Variants in NEBL observed in about 807,000 individuals in gnomAD.
The protein encoded by NEBL is nebulette.
In NEBL, 122 loss-of-function variants were observed where a neutral mutation model predicts 140.2. That is an observed-to-expected ratio of 0.87 (90% confidence interval 0.75 to 1.01). The LOEUF is 1.01. Among genes scored for constraint, NEBL ranks in the 50% least tolerant of loss-of-function variants. The probability of loss-of-function intolerance (pLI) is 0.00; values close to 1 mark genes in which losing one functional copy is unlikely to be tolerated. For missense variants in NEBL, 1,365 were observed against 1,231.3 expected, an observed-to-expected ratio of 1.11 and a Z score of -1.62; for synonymous variants, 436 against 398.9, an observed-to-expected ratio of 1.09 and a Z score of -1.11.
intron 2 of NEBL, among the ~76,000 whole-genome samples, chr10:21,053,847 A>G (rs1314791312): frequency 1.3e-5 from 2 of 152,166 alleles, no homozygotes; most frequent in Non-Finnish European, 2.9e-5. Flanking sequence ...AGCCTGGACA[A>G]TGTGGTGAAG....
At chr10:21,264,398 G>C (rs1205191190) in intron 1 of NEBL, among the ~76,000 whole-genome samples, 1 of 152,164 alleles carries the variant, frequency 6.6e-6, no homozygotes. Flanking sequence ...CTTTGCCTCA[G>C]GAATGAACTG....
chr10:20,935,200 T>A (rs887226511), intron 4 of NEBL, among the ~76,000 whole-genome samples: 2 of 152,150 alleles, frequency 1.3e-5, no homozygotes, highest in African/African-American at 2.4e-5. Flanking sequence ...CGAGGAAGCA[T>A]CCACCATCTC....
At chr10:21,084,782 C>T (rs1002953545) in intron 2 of NEBL, among the ~76,000 whole-genome samples, 2 of 152,130 alleles carry the variant, frequency 1.3e-5, no homozygotes, top group African/African-American at 4.8e-5. Flanking sequence ...TTGCCAGCAA[C>T]ATTCAAGCCA....
rs1343264211 is a variant in NEBL, at chr10:20,812,790, T to G, written c.2497A>C (p.Arg833=). ...TTACCAACAATGATTCCAGGTCTCC[T>G]GTCCATCTCCACGATGTGAGGGTGG... is the stretch of plus-strand genomic sequence containing the variant. ...GVHPHIVEMD[R]RPGIIVDLKV... The change falls in exon 24 of 28, where the codon AGG becomes CGG. Residue 833 remains arginine, a synonymous_variant. Transcript: ENST00000377122. 1.1e-5 allele frequency: 17 copies of G among 1,613,840 alleles called. No individual in the cohort carries two copies. Among genetic ancestry groups the G allele is most frequent in the Non-Finnish European group, 1.4e-5 (17 of 1,179,920 alleles).
At chr10:21,076,189 TC>T (rs1391310797) in intron 2 of NEBL, among the ~76,000 whole-genome samples, 5 of 152,152 alleles carry the variant, frequency 3.3e-5, no homozygotes, top group Admixed American at 1.3e-4. Context: ...ACACCTGTAA[TC>T]CCAGCACTTT....
intron 4 of NEBL, among the ~76,000 whole-genome samples, chr10:20,936,103 C>T (rs143038646): frequency 2.6e-4 from 40 of 152,218 alleles, no homozygotes; most frequent in African/African-American, 8.4e-4. Flanking sequence ...ATTTCCATGC[C>T]AAAATCTTTC....
chr10:20,944,107 G>A (rs984720615), intron 4 of NEBL, among the ~76,000 whole-genome samples: 10 of 152,294 alleles, frequency 6.6e-5, no homozygotes, highest in African/African-American at 1.9e-4. Context: ...TTTAAATATA[G>A]TTAAATATAG....
At chr10:21,177,823 C>A (rs1252811000), upstream of NEBL, among the ~76,000 whole-genome samples, 1 of 152,168 alleles carries the variant, frequency 6.6e-6, no homozygotes, top group Non-Finnish European at 1.5e-5. Flanking sequence ...CCACCGTGCC[C>A]AGCCTACAGT....
Position 20,965,591 on chromosome 10 carries a change from G to A in NEBL, c.250-3812C>T, listed in dbSNP as rs775712600. Among the ~76,000 whole-genome samples, 6 of 152,322 alleles carry A rather than the reference G, an allele frequency of 3.9e-5. No homozygotes were observed. In the East Asian group the frequency reaches 5.8e-4, roughly 15 times the overall value. On this transcript the variant is annotated intron_variant, in intron 3 of 6. Transcript: ENST00000417816. ...AGAGTGGTCACACGGGGCTTTGCAC[G>A]CCCTGAGGATGTTGGCTTTTCTTCC...
At chr10:20,793,557 CT>C (rs781461906) in intron 26 of NEBL, among the ~76,000 whole-genome samples, 4,296 of 140,648 alleles carry the variant, frequency 0.031, 137 homozygotes, top group African/African-American at 0.09. Context: ...TCTTTCTTTT[CT>C]TTTTTTTTTT....
intron 14 of NEBL, among the ~76,000 whole-genome samples, chr10:20,832,661 T>G (rs902439904): frequency 5.9e-5 from 9 of 152,286 alleles, no homozygotes; most frequent in Non-Finnish European, 1.2e-4. Context: ...AAACAATTAT[T>G]TCTTATTATG....
chr10:21,035,938 G>A lies in NEBL; in HGVS notation c.165-15737C>T, dbSNP rs192898140. On this transcript the variant is annotated intron_variant, in intron 2 of 6. Transcript: ENST00000417816. ...AGCACTTTGGGAGGCTGAGGTGAGC[G>A]GATCACTTGAGGTCAAAAGCTCGAG... 1.2e-4 allele frequency among the ~76,000 whole-genome samples: 18 copies of A among 152,172 alleles called. 1 individual carries two copies. Among genetic ancestry groups the A allele is most frequent in the African/African-American group, 3.6e-4 (15 of 41,500 alleles).
At chr10:21,225,701 C>T (rs1373368667) in intron 3 of NEBL, among the ~76,000 whole-genome samples, 1 of 152,096 alleles carries the variant, frequency 6.6e-6, no homozygotes, top group Non-Finnish European at 1.5e-5. Flanking sequence ...TGGCCACTGC[C>T]GATGTTCACT....
Position 20,781,634 on chromosome 10 carries a change from C to G in NEBL, c.*4113G>C, listed in dbSNP as rs900897412. 6.6e-6 allele frequency: 1 copy of G among 152,354 alleles called. No individual in the cohort carries two copies. Among genetic ancestry groups the G allele is most frequent in the Non-Finnish European group, 1.5e-5 (1 of 68,030 alleles). The allele number at this position is 152,354 out of a possible 1,614,324, so 9.4% of individuals were successfully genotyped here. On this transcript the variant is annotated 3_prime_UTR_variant, in exon 28 of 28. Coordinates refer to ENST00000377122, the MANE Select transcript of NEBL (RefSeq NM_006393.3). ...CAGGAATATACTGAAGTCATACAGACAACTGAGAAAATTTGCTCAAAGATT... is the reference window on the plus strand; with the variant it reads ...CAGGAATATACTGAAGTCATACAGAGAACTGAGAAAATTTGCTCAAAGATT...
Position 20,831,211 on chromosome 10 carries a change from A to C in NEBL, c.1656T>G (p.Ser552=), listed in dbSNP as rs1330625704. The change falls in exon 16 of 28, where the codon TCT becomes TCG. Residue 552 remains serine, a synonymous_variant. Coordinates refer to ENST00000377122, the MANE Select transcript of NEBL (RefSeq NM_006393.3). ...IPDILRAKRT[S]EIYSQRKYKD... ...CATGACCAACCTGGCTATAGATTTCAGATGTCCTCTTGGCTCGAAGGATAT... is the reference window on the plus strand; with the variant it reads ...CATGACCAACCTGGCTATAGATTTCCGATGTCCTCTTGGCTCGAAGGATAT... 1 of 1,612,156 alleles carries C rather than the reference A, an allele frequency of 6.2e-7. No homozygotes were observed.
chr10:21,233,894 TTACATATATA>T (rs1588545007), intron 3 of NEBL, among the ~76,000 whole-genome samples: 1 of 135,082 alleles, frequency 7.4e-6, no homozygotes, highest in East Asian at 2.1e-4. Flanking sequence ...TAGATATATA[TTACATATATA>T]TGCATATATA....
rs533686365 is a variant in NEBL, at chr10:21,086,904, T to C, written c.165-66703A>G. Among the ~76,000 whole-genome samples, 6 of 152,358 alleles carry C rather than the reference T, an allele frequency of 3.9e-5. No homozygotes were observed. The South Asian group carries it at 1.2e-3, about 32-fold the overall frequency. ...TCTTATGACTGCCACCCATAGGGAA[T>C]GTTCTCTGCCTGAAAGATCTCCCTG... On this transcript the variant is annotated intron_variant, in intron 2 of 6. Transcript: ENST00000417816.
chr10:21,238,714 A>C lies in NEBL; in HGVS notation n.348+9207T>G, dbSNP rs1842394599. Among the ~76,000 whole-genome samples the C allele has an allele frequency of 5.8e-5, 6 of 104,248 alleles. No homozygotes were observed. The South Asian group carries it at 2.0e-3, about 34-fold the overall frequency. 68.4% of individuals were successfully genotyped at this position (104,248 alleles called of 152,430 possible). ...AAAAGCGAAACTCCATCTCAAAAAA[A>C]TTAAAAAAAAAAAAAAAAAAAAAAA... On this transcript the variant is annotated intron_variant and non_coding_transcript_variant, in intron 3 of 8. Coordinates refer to the NEBL transcript ENST00000675702.
intron 3 of NEBL, among the ~76,000 whole-genome samples, chr10:21,242,659 C>T (rs774381986): frequency 6.6e-5 from 10 of 152,092 alleles, no homozygotes; most frequent in Non-Finnish European, 1.2e-4. Flanking sequence ...GAGAGGTGCA[C>T]AACTCACTTG....
Sources: allele counts gnomAD v4.1 joint callset (sites outside exome capture counted in the v4.1 genomes callset), GRCh38; gene constraint gnomAD v4.1.1; transcripts MANE v1.5; gene names NCBI Gene and HGNC (gene_info 2026-07-23, HGNC 2026-07-21).